Variants in CNTNAP2 observed in about 807,000 individuals in gnomAD.
CNTNAP2 encodes contactin-associated protein-like 2.
In CNTNAP2, 98 loss-of-function variants were observed where a neutral mutation model predicts 155.2. That is an observed-to-expected ratio of 0.63 (90% confidence interval 0.54 to 0.75). CNTNAP2 has a LOEUF of 0.75. Ranked by LOEUF, CNTNAP2 falls within the 30% of genes least tolerant of loss-of-function variation. CNTNAP2 has a pLI of 0.00. For missense variants in CNTNAP2, 1,727 were observed against 1,688.1 expected, an observed-to-expected ratio of 1.02 and a Z score of -0.40; for synonymous variants, 651 against 631.2, an observed-to-expected ratio of 1.03 and a Z score of -0.47.
intron 8 of CNTNAP2, among the ~76,000 whole-genome samples, chr7:147,183,411 A>G (rs1802505960): frequency 6.6e-6 from 1 of 152,224 alleles, no homozygotes; most frequent in South Asian, 2.1e-4. Flanking sequence ...AAGTTAAATT[A>G]TACAGCAAAT....
chr7:148,295,967 CAT>C (rs1476019413), intron 21 of CNTNAP2, among the ~76,000 whole-genome samples: 2 of 152,114 alleles, frequency 1.3e-5, no homozygotes, highest in Non-Finnish European at 2.9e-5. Flanking sequence ...CCCACTGTGA[CAT>C]ATATACATGC....
intron 3 of CNTNAP2, among the ~76,000 whole-genome samples, chr7:146,936,607 G>A (rs1185724238): frequency 1.3e-5 from 2 of 152,218 alleles, no homozygotes; most frequent in East Asian, 3.9e-4. Context: ...CTGAGTCCTT[G>A]TGGATGAACC....
At chr7:146,211,060 C>T (rs1799027018) in intron 1 of CNTNAP2, among the ~76,000 whole-genome samples, 1 of 152,074 alleles carries the variant, frequency 6.6e-6, no homozygotes. Flanking sequence ...TATGTGTTGA[C>T]TTAGATAGAG....
chr7:147,966,797 G>T (rs1268542195), intron 14 of CNTNAP2, among the ~76,000 whole-genome samples: 1 of 152,136 alleles, frequency 6.6e-6, no homozygotes, highest in Non-Finnish European at 1.5e-5. Context: ...AATGAAGCCA[G>T]CCATGAGCAA....
At chr7:147,107,846 C>G (rs1800797974) in intron 4 of CNTNAP2, among the ~76,000 whole-genome samples, 1 of 151,994 alleles carries the variant, frequency 6.6e-6, no homozygotes, top group South Asian at 2.1e-4. Context: ...GGTCTAAACT[C>G]TAGATTTCTA....
At chr7:148,090,448 A>G (rs1803816795) in intron 15 of CNTNAP2, among the ~76,000 whole-genome samples, 1 of 152,110 alleles carries the variant, frequency 6.6e-6, no homozygotes. Context: ...TGGACAAAGG[A>G]CCTGAGTAGA....
chr7:146,746,942 A>T (rs750262671), intron 1 of CNTNAP2, among the ~76,000 whole-genome samples: 88 of 152,202 alleles, frequency 5.8e-4, no homozygotes, highest in Non-Finnish European at 1.1e-3. Flanking sequence ...ATATTTGGGG[A>T]TATTTCTGTA....
intron 1 of CNTNAP2, among the ~76,000 whole-genome samples, chr7:146,124,154 G>A (rs376178648): frequency 2.0e-5 from 3 of 152,182 alleles, no homozygotes; most frequent in East Asian, 1.9e-4. Context: ...TGTAGATAAC[G>A]GGTTGATGGG....
chr7:146,310,374 A>G (rs1034688764), intron 1 of CNTNAP2, among the ~76,000 whole-genome samples: 3 of 152,162 alleles, frequency 2.0e-5, no homozygotes, highest in Non-Finnish European at 2.9e-5. Context: ...TTTTTTATGA[A>G]CTGAATTATT....
intron 1 of CNTNAP2, among the ~76,000 whole-genome samples, chr7:146,759,711 A>AT (rs1309834469): frequency 8.2e-5 from 5 of 60,766 alleles, no homozygotes; most frequent in South Asian, 5.8e-4. Flanking sequence ...AAAAAAAAAA[A>AT]GGTGGGTGGG....
chr7:147,050,559 A>C (rs112922221), intron 4 of CNTNAP2, among the ~76,000 whole-genome samples: 34 of 152,338 alleles, frequency 2.2e-4, no homozygotes, highest in African/African-American at 5.8e-4. Context: ...AGTTAAATAC[A>C]AATAAGTAAA....
chr7:147,725,539 A>G (rs543833752), intron 13 of CNTNAP2, among the ~76,000 whole-genome samples: 6 of 152,206 alleles, frequency 3.9e-5, no homozygotes, highest in Admixed American at 3.3e-4. Flanking sequence ...AAGAAAGATG[A>G]GTGTCCCCCA....
chr7:148,184,964 C>G (rs2906314), intron 18 of CNTNAP2, among the ~76,000 whole-genome samples: 111,698 of 152,174 alleles, frequency 0.73, 41,318 homozygotes, highest in East Asian at 0.86. Flanking sequence ...CATTGAGTCA[C>G]TGAAAGCCTC....
At chr7:148,224,241 T>G (rs1437829427) in intron 19 of CNTNAP2, among the ~76,000 whole-genome samples, 1 of 152,116 alleles carries the variant, frequency 6.6e-6, no homozygotes, top group East Asian at 1.9e-4. Flanking sequence ...ACAATCAACG[T>G]GTTTTTTCTG....
chr7:146,159,694 C>A (rs1426308703), intron 1 of CNTNAP2, among the ~76,000 whole-genome samples: 1 of 152,168 alleles, frequency 6.6e-6, no homozygotes, highest in Non-Finnish European at 1.5e-5. Flanking sequence ...AGCTAACTAT[C>A]CTAAATATAT....
chr7:146,268,504 C>T (rs1356955025), intron 1 of CNTNAP2, among the ~76,000 whole-genome samples: 2 of 152,184 alleles, frequency 1.3e-5, no homozygotes, highest in Non-Finnish European at 2.9e-5. Flanking sequence ...AGAGGCATGA[C>T]TCCATCTCCC....
intron 21 of CNTNAP2, among the ~76,000 whole-genome samples, chr7:148,313,427 G>C (rs963586975): frequency 4.0e-5 from 6 of 151,814 alleles, no homozygotes; most frequent in Non-Finnish European, 7.4e-5. Context: ...ATTTTCAGTG[G>C]GGTCCCGCAC....
intron 3 of CNTNAP2, among the ~76,000 whole-genome samples, chr7:146,862,844 C>T (rs1027585636): frequency 9.9e-5 from 15 of 152,206 alleles, no homozygotes; most frequent in African/African-American, 3.4e-4. Flanking sequence ...TTATAGCAGC[C>T]ACTCCAGGGT....
At chr7:148,278,747 G>A (rs1430655486) in intron 21 of CNTNAP2, among the ~76,000 whole-genome samples, 2 of 152,192 alleles carry the variant, frequency 1.3e-5, no homozygotes, top group Non-Finnish European at 2.9e-5. Flanking sequence ...TGAGAAAAGA[G>A]TTGTGTAATA....
Sources: allele counts gnomAD v4.1 joint callset (sites outside exome capture counted in the v4.1 genomes callset), GRCh38; gene constraint gnomAD v4.1.1; transcripts MANE v1.5; gene names NCBI Gene and HGNC (gene_info 2026-07-23, HGNC 2026-07-21).